Variants in AGBL4 observed in about 807,000 individuals in gnomAD.
The protein encoded by AGBL4 is cytosolic carboxypeptidase 6.
In AGBL4, 58 loss-of-function variants were observed where a neutral mutation model predicts 66.4. That is an observed-to-expected ratio of 0.87 (90% confidence interval 0.71 to 1.09). AGBL4 has a LOEUF of 1.09. Ranked by LOEUF, AGBL4 falls within the 50% of genes least tolerant of loss-of-function variation. AGBL4 has a pLI of 0.00. For missense variants in AGBL4, 579 were observed against 631.0 expected (o/e 0.92, Z 0.88); for synonymous variants, 234 against 222.9 (o/e 1.05, Z -0.44).
chr1:49,390,145 G>GT (rs1351260349), intron 3 of AGBL4, among the ~76,000 whole-genome samples: 5 of 152,164 alleles, frequency 3.3e-5, no homozygotes, highest in Non-Finnish European at 7.4e-5. Flanking sequence ...TCACAGAGCC[G>GT]TGACTATCAC....
In AGBL4 at chr1:49,462,243, G is replaced by A. The variant is rs182575592; in HGVS notation, c.283-216379C>T. ...ATCTTTGTATCTTCACTGCCTGGTA[G>A]GTAGCATGTATTAAGTATTTATTTA... On this transcript the variant is annotated intron_variant, in intron 3 of 13. Transcript: ENST00000371839. Among the ~76,000 whole-genome samples the A allele has an allele frequency of 2.1e-3, 318 of 151,884 alleles. 3 individuals are homozygous for A. The highest frequency in any genetic ancestry group is 7.3e-3 in the African/African-American group (302 of 41,494).
intron 5 of AGBL4, among the ~76,000 whole-genome samples, chr1:48,977,131 G>A (rs1659400046): frequency 6.6e-6 from 1 of 152,050 alleles, no homozygotes. Flanking sequence ...GAAGTATAAG[G>A]AAGGCTAACA....
chr1:49,948,580 TATAGAGAGAGAGAG>T (rs1261133472), intron 1 of AGBL4, among the ~76,000 whole-genome samples: 2 of 126,870 alleles, frequency 1.6e-5, no homozygotes, highest in African/African-American at 6.1e-5. Context: ...TATATATATA[TATAGAGAGAGAGAG>T]AGAGAGAGAG....
intron 2 of AGBL4, among the ~76,000 whole-genome samples, chr1:49,759,443 A>G (rs935032705): frequency 2.6e-5 from 4 of 152,216 alleles, no homozygotes; most frequent in African/African-American, 9.6e-5. Flanking sequence ...AAGGGGAAAC[A>G]ATGACAAAAC....
chr1:49,044,760 C>A (rs1212383722), intron 5 of AGBL4, among the ~76,000 whole-genome samples: 1 of 152,090 alleles, frequency 6.6e-6, no homozygotes, highest in Non-Finnish European at 1.5e-5. Context: ...ACTCAACCAG[C>A]CACTGATAGC....
At chr1:49,960,239 A>G (rs1028051764) in intron 1 of AGBL4, among the ~76,000 whole-genome samples, 1 of 152,126 alleles carries the variant, frequency 6.6e-6, no homozygotes, top group Admixed American at 6.6e-5. Flanking sequence ...TCGCCCATAA[A>G]AAAGAATAAA....
chr1:49,832,142 C>T (rs1231731751), intron 2 of AGBL4, among the ~76,000 whole-genome samples: 1 of 151,898 alleles, frequency 6.6e-6, no homozygotes, highest in African/African-American at 2.4e-5. Flanking sequence ...GCTATCCCTC[C>T]CCCCTTCCCC....
intron 9 of AGBL4, among the ~76,000 whole-genome samples, chr1:48,607,341 G>C (rs1397181440): frequency 1.3e-5 from 2 of 152,154 alleles, no homozygotes; most frequent in Non-Finnish European, 2.9e-5. Flanking sequence ...GAGCAGGCCA[G>C]GTGCGGTAGT....
chr1:49,639,893 A>C (rs1645748395), intron 3 of AGBL4, among the ~76,000 whole-genome samples: 1 of 152,186 alleles, frequency 6.6e-6, no homozygotes, highest in African/African-American at 2.4e-5. Context: ...GGGAAAGGGT[A>C]TTTCAGATAG....
chr1:49,134,475 G>GCCCCCCCCCCCCCCC (rs57286157), intron 4 of AGBL4, among the ~76,000 whole-genome samples: 2 of 112,702 alleles, frequency 1.8e-5, no homozygotes, highest in Non-Finnish European at 3.6e-5. Context: ...ATTTTGGAGG[G>GCCCCCCCCCCCCCCC]CCCCCCCCCC....
chr1:49,736,819 GA>G lies in AGBL4; in HGVS notation c.158-39383del, dbSNP rs575811923. On this transcript the variant is annotated intron_variant, in intron 2 of 13. Transcript: ENST00000371839. ...CTATAGGAATCTTACATCAACAAGG[GA>G]AAAAAAAAAACTTCATTAAGAAATG... Among the ~76,000 whole-genome samples the G allele has an allele frequency of 5.7e-3, 821 of 143,132 alleles. 9 individuals carry two copies. Among genetic ancestry groups the G allele is most frequent in the East Asian group, 0.032 (158 of 4,948 alleles). 93.9% of individuals were successfully genotyped at this position (143,132 alleles called of 152,430 possible).
At chr1:48,741,415 C>T (rs1649890484) in intron 6 of AGBL4, among the ~76,000 whole-genome samples, 1 of 152,232 alleles carries the variant, frequency 6.6e-6, no homozygotes. Flanking sequence ...AGGCTGCCGA[C>T]TTCCAACTTG....
At chr1:49,258,586 T>C (rs1164405299) in intron 3 of AGBL4, among the ~76,000 whole-genome samples, 1 of 151,600 alleles carries the variant, frequency 6.6e-6, no homozygotes, top group African/African-American at 2.4e-5. Context: ...TGAAATGAAG[T>C]GAGAAGGGAA....
At position 49,438,838 on chromosome 1, in the gene AGBL4, G is replaced by C. The variant is rs368695588; in HGVS notation, c.283-192974C>G. On this transcript the variant is annotated intron_variant, in intron 3 of 13. Transcript: ENST00000371839. ...AAGACTGAGTAATTTGCAATAAACA[G>C]AAATGTATTGGCTCACAGTTCTGGA... Among the ~76,000 whole-genome samples the C allele has an allele frequency of 4.6e-5, 7 of 152,298 alleles. No homozygotes were observed. In the East Asian group the frequency reaches 1.2e-3, roughly 25 times the overall value.
At chr1:49,927,791 A>G (rs1433624095) in intron 1 of AGBL4, among the ~76,000 whole-genome samples, 1 of 152,222 alleles carries the variant, frequency 6.6e-6, no homozygotes, top group Non-Finnish European at 1.5e-5. Context: ...AAAGAGACAC[A>G]TTAAAAGTCA....
intron 1 of AGBL4, among the ~76,000 whole-genome samples, chr1:50,010,867 A>G (rs1323897492): frequency 6.6e-6 from 1 of 152,220 alleles, no homozygotes; most frequent in Non-Finnish European, 1.5e-5. Flanking sequence ...TAAAACTACT[A>G]CAAGAAAACA....
rs1426764413 is a variant in AGBL4 at position 48,534,926 on chromosome 1, G to A, written c.1365-10C>T. 7 of 1,551,128 alleles carry A rather than the reference G, an allele frequency of 4.5e-6. No homozygotes were observed. The highest frequency in any genetic ancestry group is 2.4e-5 in the East Asian group (1 of 40,920). Reference sequence around the variant, plus strand: ...TTCTATTTCTTTATTTCTAAAATAGGAGAAAAATTCATGTCCTTCCTGCCT... The same window carrying A: ...TTCTATTTCTTTATTTCTAAAATAGAAGAAAAATTCATGTCCTTCCTGCCT... On this transcript the variant is annotated splice_polypyrimidine_tract_variant and intron_variant, in intron 12 of 13. Coordinates refer to ENST00000371839, the MANE Select transcript of AGBL4 (RefSeq NM_032785.4).
At chr1:48,820,734 A>G (rs1646292951) in intron 6 of AGBL4, among the ~76,000 whole-genome samples, 1 of 152,162 alleles carries the variant, frequency 6.6e-6, no homozygotes, top group Non-Finnish European at 1.5e-5. Context: ...CTTTGAACTC[A>G]GATTAGAGCT....
At position 49,668,773 on chromosome 1, in the gene AGBL4, C is replaced by T. The variant is rs149438113; in HGVS notation, c.282+28540G>A. Among the ~76,000 whole-genome samples the T allele has an allele frequency of 5.2e-3, 792 of 152,276 alleles. 7 individuals are homozygous for T. The highest frequency in any genetic ancestry group is 6.6e-3 in the Non-Finnish European group (446 of 68,024). The stretch of plus-strand genomic sequence containing the variant: ...TGTTTTAAAGAAATCCAAAATTGAA[C>T]CTCAATCTTGCTAAACCATCAACTA... On this transcript the variant is annotated intron_variant, in intron 3 of 13. Transcript: ENST00000371839.
Sources: allele counts gnomAD v4.1 joint callset (sites outside exome capture counted in the v4.1 genomes callset), GRCh38; gene constraint gnomAD v4.1.1; transcripts MANE v1.5; gene names NCBI Gene and HGNC (gene_info 2026-07-23, HGNC 2026-07-21).